Variants in LHFPL3 observed in about 807,000 individuals in gnomAD.
LHFPL3 encodes the protein LHFPL tetraspan subfamily member 3 protein.
A neutral mutation model predicts 19.3 loss-of-function variants in LHFPL3; 5 were observed. That is an observed-to-expected ratio of 0.26 (90% confidence interval 0.14 to 0.54). The LOEUF (loss-of-function observed/expected upper bound fraction) is 0.54, where lower values mean the gene tolerates loss of function less well. LHFPL3 is among the 20% of genes least tolerant of loss of function. LHFPL3 has a pLI of 0.94. For synonymous variants in LHFPL3, 133 were observed against 126.2 expected, an observed-to-expected ratio of 1.05 and a Z score of -0.36; for missense variants, 249 against 307.4, an observed-to-expected ratio of 0.81 and a Z score of 1.42.
Position 104,426,238 on chromosome 7 carries a change from CTGTT to C in LHFPL3, c.445+97044_445+97047del, listed in dbSNP as rs112112531. 7.4e-3 allele frequency among the ~76,000 whole-genome samples: 1,126 copies of C among 151,690 alleles called. 6 individuals are homozygous for C. The highest frequency in any genetic ancestry group is 0.01 in the African/African-American group (428 of 41,258). On this transcript the variant is annotated intron_variant, in intron 1 of 2. Coordinates refer to ENST00000424859, the MANE Select transcript of LHFPL3 (RefSeq NM_199000.3). ...TGATTCTGGTGTTCTACACTATGTT[CTGTT>C]TGTTTGTTTGTTTGTTTGTTTGTTT... is the stretch of plus-strand genomic sequence containing the variant.
At chr7:104,462,322 G>A (rs11768629) in intron 1 of LHFPL3, among the ~76,000 whole-genome samples, 31,686 of 151,786 alleles carry the variant, frequency 0.21, 3,593 homozygotes, top group African/African-American at 0.31. Flanking sequence ...CTTGTGCCCA[G>A]TGCTTCCAGC....
At chr7:104,357,299 A>G (rs1378844131) in intron 1 of LHFPL3, among the ~76,000 whole-genome samples, 1 of 152,182 alleles carries the variant, frequency 6.6e-6, no homozygotes, top group East Asian at 1.9e-4. Flanking sequence ...TTCCTTGACA[A>G]GTCACGTGCA....
chr7:104,745,901 G>A (rs1396121882), intron 2 of LHFPL3, among the ~76,000 whole-genome samples: 1 of 152,176 alleles, frequency 6.6e-6, no homozygotes, highest in Non-Finnish European at 1.5e-5. Context: ...GTAACTTAGG[G>A]GTGATAAAAC....
At chr7:104,549,500 C>G (rs1794630824) in intron 1 of LHFPL3, among the ~76,000 whole-genome samples, 1 of 141,414 alleles carries the variant, frequency 7.1e-6, no homozygotes, top group African/African-American at 2.5e-5. Flanking sequence ...CTTATGTATA[C>G]ACTGCATTAT....
chr7:104,845,097 G>T (rs576436564), intron 2 of LHFPL3, among the ~76,000 whole-genome samples: 24 of 152,326 alleles, frequency 1.6e-4, no homozygotes, highest in Non-Finnish European at 3.4e-4. Context: ...GGTGAGGTAA[G>T]TGCTACTATT....
At chr7:104,724,658 C>G (rs2116258115) in intron 1 of LHFPL3, among the ~76,000 whole-genome samples, 1 of 152,254 alleles carries the variant, frequency 6.6e-6, no homozygotes, top group East Asian at 1.9e-4. Context: ...CTAATGGGTA[C>G]TAGGCTTAAT....
chr7:104,768,639 A>G (rs1481994368), intron 2 of LHFPL3: 1 of 152,196 alleles, frequency 6.6e-6, no homozygotes, highest in Non-Finnish European at 1.5e-5. Context: ...GACAATGAGA[A>G]ATCGATCCAG....
At position 104,398,178 on chromosome 7, in the gene LHFPL3, C is replaced by T. The variant is rs148981152; in HGVS notation, c.445+68954C>T. Among the ~76,000 whole-genome samples the T allele has an allele frequency of 1.1e-3, 170 of 151,832 alleles. 1 individual carries two copies. The highest frequency in any genetic ancestry group is 0.01 in the Middle Eastern group (3 of 294). On this transcript the variant is annotated intron_variant, in intron 1 of 2. Transcript: ENST00000424859. ...TAGAAGTGCTGGCGTCTAGCATGAA[C>T]GGCAGAAGTAAGTGAGGACCAACAT...
intron 1 of LHFPL3, among the ~76,000 whole-genome samples, chr7:104,352,836 T>A (rs1354431006): frequency 6.6e-6 from 1 of 152,222 alleles, no homozygotes; most frequent in Non-Finnish European, 1.5e-5. Context: ...GTGGGAAGGA[T>A]CCAGGTATAA....
rs546251249 is a variant in LHFPL3 at position 104,424,713 on chromosome 7, C to T, written c.445+95489C>T. Reference sequence around the variant, plus strand: ...TTCCTAAAGAAGTATCTGACTTGGCCGGGCGCGGTGGCTCACGCCTGTAAT... The same window carrying T: ...TTCCTAAAGAAGTATCTGACTTGGCTGGGCGCGGTGGCTCACGCCTGTAAT... On this transcript the variant is annotated intron_variant, in intron 1 of 2. Coordinates refer to ENST00000424859, the MANE Select transcript of LHFPL3 (RefSeq NM_199000.3). Among the ~76,000 whole-genome samples the T allele has an allele frequency of 4.6e-5, 7 of 152,180 alleles. 1 individual carries two copies. In the South Asian group the frequency reaches 1.0e-3, roughly 23 times the overall value.
intron 1 of LHFPL3, among the ~76,000 whole-genome samples, chr7:104,596,544 C>T (rs753577338): frequency 4.6e-5 from 7 of 152,128 alleles, no homozygotes; most frequent in Non-Finnish European, 1.0e-4. Context: ...TGGATCTTAT[C>T]GAATGATTAG....
intron 1 of LHFPL3, among the ~76,000 whole-genome samples, chr7:104,546,042 A>C (rs1336518572): frequency 1.3e-5 from 2 of 151,356 alleles, no homozygotes; most frequent in African/African-American, 4.9e-5. Flanking sequence ...ATAGTTGCCA[A>C]AAAAAATGGA....
chr7:104,332,223 C>T (rs67069050), intron 1 of LHFPL3, among the ~76,000 whole-genome samples: 154 of 63,908 alleles, frequency 2.4e-3, no homozygotes, highest in East Asian at 0.013. Context: ...TATTTCTTTT[C>T]TTTTTTTTTT....
At chr7:104,791,753 C>T (rs1790028357) in intron 2 of LHFPL3, among the ~76,000 whole-genome samples, 1 of 152,102 alleles carries the variant, frequency 6.6e-6, no homozygotes, top group South Asian at 2.1e-4. Flanking sequence ...GGATACATTT[C>T]CTGATTGAAA....
chr7:104,442,023 G>T (rs747203497), intron 1 of LHFPL3, among the ~76,000 whole-genome samples: 3 of 151,642 alleles, frequency 2.0e-5, no homozygotes, highest in South Asian at 2.1e-4. Context: ...AGTGTGCAAG[G>T]GTTTCAATTT....
At chr7:104,379,272 C>T (rs1388745344) in intron 1 of LHFPL3, among the ~76,000 whole-genome samples, 2 of 152,128 alleles carry the variant, frequency 1.3e-5, no homozygotes, top group East Asian at 3.9e-4. Context: ...AATTGGTCTC[C>T]CAGGGAATTA....
intron 1 of LHFPL3, among the ~76,000 whole-genome samples, chr7:104,364,724 C>T (rs1790452525): frequency 6.6e-6 from 1 of 152,218 alleles, no homozygotes; most frequent in African/African-American, 2.4e-5. Context: ...GTGGGCAGGT[C>T]ATTTAACTTT....
At chr7:104,772,539 C>CTT (rs1450154132) in intron 2 of LHFPL3, among the ~76,000 whole-genome samples, 3 of 152,216 alleles carry the variant, frequency 2.0e-5, no homozygotes, top group African/African-American at 7.2e-5. Context: ...AGTGCCCTTT[C>CTT]TTATTCTGAT....
chr7:104,640,305 G>A (rs1416846918), intron 1 of LHFPL3, among the ~76,000 whole-genome samples: 2 of 152,076 alleles, frequency 1.3e-5, no homozygotes. Flanking sequence ...CCTGGTGTGT[G>A]ATTCCCCTCC....
Sources: allele counts gnomAD v4.1 joint callset (sites outside exome capture counted in the v4.1 genomes callset), GRCh38; gene constraint gnomAD v4.1.1; transcripts MANE v1.5; gene names NCBI Gene and HGNC (gene_info 2026-07-23, HGNC 2026-07-21).